The following STPG2 variants were observed in gnomAD, a reference collection of about 807,000 sequenced individuals.
The protein encoded by STPG2 is sperm tail PG-rich repeat containing 2.
STPG2 carries 56 observed loss-of-function variants against 54.2 expected under a neutral mutation model. The observed-to-expected ratio is 1.03, with a 90% CI of 0.83 to 1.29. The LOEUF (loss-of-function observed/expected upper bound fraction) is 1.29. Among genes scored for constraint, STPG2 ranks in the 50% most tolerant of loss-of-function variants. The pLI is 0.00. For missense variants in STPG2, 596 were observed against 544.9 expected, an observed-to-expected ratio of 1.09 and a Z score of -0.93; for synonymous variants, 200 against 181.8, an observed-to-expected ratio of 1.10 and a Z score of -0.81.
At chr4:97,763,402 T>A (rs1383076084) in intron 9 of STPG2, among the ~76,000 whole-genome samples, 2 of 152,178 alleles carry the variant, frequency 1.3e-5, no homozygotes, top group Admixed American at 6.6e-5. Context: ...ACAATTTAAA[T>A]CTAGCAGGAA....
At chr4:97,931,646 GTT>G (rs1560596178) in intron 8 of STPG2, among the ~76,000 whole-genome samples, 1 of 64,662 alleles carries the variant, frequency 1.5e-5, no homozygotes, top group Non-Finnish European at 5.0e-5. Flanking sequence ...AAGTTTTTTT[GTT>G]TTTGGTTTTT....
chr4:97,895,726 C>T (rs1730930353), intron 8 of STPG2, among the ~76,000 whole-genome samples: 1 of 151,706 alleles, frequency 6.6e-6, no homozygotes, highest in Non-Finnish European at 1.5e-5. Context: ...ATAAAACAGA[C>T]AAAGAAACAA....
At chr4:98,107,964 T>G (rs1164198550) in intron 4 of STPG2, among the ~76,000 whole-genome samples, 1 of 152,120 alleles carries the variant, frequency 6.6e-6, no homozygotes, top group Non-Finnish European at 1.5e-5. Context: ...TAAATATGCA[T>G]GTTAAGGTTC....
At chr4:97,448,655 G>A (rs551969861) in intron 4 of STPG2, among the ~76,000 whole-genome samples, 1 of 152,312 alleles carries the variant, frequency 6.6e-6, no homozygotes, top group African/African-American at 2.4e-5. Context: ...ATGTGAAACT[G>A]AGTCAATTAA....
intron 5 of STPG2, among the ~76,000 whole-genome samples, chr4:98,053,613 A>G (rs758631927): frequency 6.6e-6 from 1 of 152,168 alleles, no homozygotes; most frequent in Non-Finnish European, 1.5e-5. Flanking sequence ...CCTGTCTTCA[A>G]ATGTACTTCC....
chr4:97,743,571 A>AAAG (rs1188290565), intron 9 of STPG2, among the ~76,000 whole-genome samples: 11 of 151,742 alleles, frequency 7.2e-5, no homozygotes, highest in Non-Finnish European at 1.5e-4. Flanking sequence ...GAAACAAGTT[A>AAAG]AAGAAGATGC....
At chr4:97,667,503 A>G (rs1468330187) in intron 10 of STPG2, among the ~76,000 whole-genome samples, 1 of 152,232 alleles carries the variant, frequency 6.6e-6, no homozygotes, top group Non-Finnish European at 1.5e-5. Flanking sequence ...TCCATAACTT[A>G]GAACAAAGAA....
At chr4:97,592,563 G>C (rs575978750) in intron 10 of STPG2, among the ~76,000 whole-genome samples, 21 of 152,050 alleles carry the variant, frequency 1.4e-4, no homozygotes, top group Non-Finnish European at 2.5e-4. Context: ...GCTGTAGCCA[G>C]GAAGAACATC....
At chr4:97,597,386 G>C (rs1256034241) in intron 10 of STPG2, among the ~76,000 whole-genome samples, 1 of 151,908 alleles carries the variant, frequency 6.6e-6, no homozygotes, top group Admixed American at 6.6e-5. Flanking sequence ...GAGGAGAATG[G>C]ACTCCTCACT....
chr4:97,444,249 T>G (rs1411207254), intron 4 of STPG2, among the ~76,000 whole-genome samples: 1 of 152,022 alleles, frequency 6.6e-6, no homozygotes, highest in South Asian at 2.1e-4. Context: ...AGATAATAGA[T>G]GAGAAACTTT....
intron 10 of STPG2, among the ~76,000 whole-genome samples, chr4:97,693,490 C>A (rs956950464): frequency 2.0e-5 from 3 of 152,034 alleles, no homozygotes; most frequent in Non-Finnish European, 2.9e-5. Context: ...ATATCACAAT[C>A]CTAAATATAT....
intron 8 of STPG2, among the ~76,000 whole-genome samples, chr4:97,920,461 T>G (rs1732056081): frequency 6.6e-6 from 1 of 152,192 alleles, no homozygotes; most frequent in African/African-American, 2.4e-5. Flanking sequence ...CTCTACCGAC[T>G]GGGGTGACTT....
intron 5 of STPG2, among the ~76,000 whole-genome samples, chr4:98,005,480 A>C (rs1419836769): frequency 6.6e-6 from 1 of 152,114 alleles, no homozygotes; most frequent in Non-Finnish European, 1.5e-5. Flanking sequence ...TCTTGAAAAA[A>C]CGTTTTCAGC....
At chr4:98,058,395 A>T (rs529797624) in intron 5 of STPG2, among the ~76,000 whole-genome samples, 1 of 152,210 alleles carries the variant, frequency 6.6e-6, no homozygotes, top group Non-Finnish European at 1.5e-5. Context: ...AACAGAAGAA[A>T]GCAGGGGTTG....
intron 4 of STPG2, among the ~76,000 whole-genome samples, chr4:97,469,463 G>A (rs993512200): frequency 6.6e-6 from 1 of 152,006 alleles, no homozygotes; most frequent in Admixed American, 6.6e-5. Flanking sequence ...TAGTAATGTA[G>A]AAGAAGGAAC....
chr4:98,081,656 C>T (rs576471341), intron 5 of STPG2, among the ~76,000 whole-genome samples: 9 of 152,282 alleles, frequency 5.9e-5, no homozygotes, highest in African/African-American at 1.9e-4. Flanking sequence ...AGAGACATGA[C>T]TTGTGTTCAT....
chr4:97,948,102 T>A (rs1353520610), intron 7 of STPG2, among the ~76,000 whole-genome samples: 1 of 151,962 alleles, frequency 6.6e-6, no homozygotes, highest in African/African-American at 2.4e-5. Context: ...TGGTCTGGTC[T>A]GGGTTGCTAT....
intron 5 of STPG2, among the ~76,000 whole-genome samples, chr4:98,016,375 A>G (rs536339825): frequency 2.0e-5 from 3 of 151,980 alleles, no homozygotes; most frequent in Non-Finnish European, 4.4e-5. Context: ...TTCTTTTTCT[A>G]TGCTCCTCTG....
intron 8 of STPG2, among the ~76,000 whole-genome samples, chr4:97,938,455 A>ACTGCCTTTCTCCC (rs374685227): frequency 6.6e-6 from 1 of 151,682 alleles, no homozygotes; most frequent in African/African-American, 2.4e-5. Flanking sequence ...CACAGTGACT[A>ACTGCCTTTCTCCC]AGTCAGAAGG....
Sources: gnomAD v4.1 joint callset for allele counts (sites outside exome capture counted in the v4.1 genomes callset) on GRCh38, gnomAD v4.1.1 for gene constraint, MANE v1.5 for transcripts, NCBI Gene and HGNC (gene_info 2026-07-23, HGNC 2026-07-21) for gene names.